The following PRKD1 variants were observed in gnomAD, a reference collection of about 807,000 sequenced individuals.
PRKD1 encodes protein kinase D1, also known as serine/threonine-protein kinase D1.
A neutral mutation model predicts 95.9 loss-of-function variants in PRKD1; 63 were observed. The ratio of observed to expected loss-of-function variants is 0.66; its 90% confidence interval spans 0.54 to 0.81. The LOEUF is 0.81. Ranked by LOEUF, PRKD1 falls within the 30% of genes least tolerant of loss-of-function variation. PRKD1 has a pLI of 0.00. For synonymous variants in PRKD1, 425 were observed against 423.1 expected, an observed-to-expected ratio of 1.00 and a Z score of -0.05; for missense variants, 1,048 against 1,165.3, an observed-to-expected ratio of 0.90 and a Z score of 1.47.
chr14:29,678,276 T>C (rs953121805), intron 2 of PRKD1, among the ~76,000 whole-genome samples: 4 of 152,158 alleles, frequency 2.6e-5, no homozygotes, highest in African/African-American at 4.8e-5. Flanking sequence ...GAGGAGTTAG[T>C]AGCAAATTCC....
At chr14:29,693,393 G>A (rs1052335423) in intron 2 of PRKD1, among the ~76,000 whole-genome samples, 2 of 151,798 alleles carry the variant, frequency 1.3e-5, no homozygotes, top group East Asian at 1.9e-4. Flanking sequence ...CCCTAGAGGC[G>A]TAAAAAATGT....
intron 6 of PRKD1, among the ~76,000 whole-genome samples, chr14:29,638,092 G>T (rs1445663419): frequency 4.6e-5 from 7 of 151,572 alleles, no homozygotes; most frequent in Non-Finnish European, 8.8e-5. Flanking sequence ...TTTTTTGGCT[G>T]ACAAAGTTCC....
chr14:29,618,329 T>C (rs1169306402), intron 13 of PRKD1, among the ~76,000 whole-genome samples: 1 of 151,586 alleles, frequency 6.6e-6, no homozygotes, highest in Non-Finnish European at 1.5e-5. Context: ...CTCTCCTCAC[T>C]GCAACCTCTG....
At chr14:29,688,991 A>AC in intron 2 of PRKD1, among the ~76,000 whole-genome samples, 3 of 150,882 alleles carry the variant, frequency 2.0e-5, no homozygotes, top group Admixed American at 6.6e-5. Flanking sequence ...AAAAAAGAAA[A>AC]CCCGAAAGTA....
intron 1 of PRKD1, among the ~76,000 whole-genome samples, chr14:29,839,092 C>CA (rs1891726161): frequency 1.3e-5 from 2 of 150,568 alleles, no homozygotes; most frequent in East Asian, 2.0e-4. Flanking sequence ...CATCAATAAA[C>CA]GAAAAAAAAA....
intron 6 of PRKD1, 57 bp downstream of exon 6, chr14:29,638,432 T>A (rs1301057956): frequency 1.3e-6 from 2 of 1,586,962 alleles, no homozygotes; most frequent in African/African-American, 2.7e-5. Flanking sequence ...TAAAATTACA[T>A]CACCACACTC....
chr14:29,836,091 G>A (rs1275390224), intron 1 of PRKD1, among the ~76,000 whole-genome samples: 2 of 152,170 alleles, frequency 1.3e-5, no homozygotes, highest in Non-Finnish European at 2.9e-5. Context: ...CACAGAGGAG[G>A]TGACATGAGA....
intron 13 of PRKD1, among the ~76,000 whole-genome samples, chr14:29,614,126 T>C (rs968268446): frequency 6.6e-6 from 1 of 152,200 alleles, no homozygotes; most frequent in Non-Finnish European, 1.5e-5. Flanking sequence ...ATGGATGTCA[T>C]ACATTCCAAA....
intron 16 of PRKD1, among the ~76,000 whole-genome samples, chr14:29,589,796 C>A (rs1846269445): frequency 6.6e-6 from 1 of 151,948 alleles, no homozygotes; most frequent in Admixed American, 6.6e-5. Flanking sequence ...AGATCTAAAT[C>A]AGTAAGACAT....
At chr14:29,795,623 T>C (rs952230149) in intron 1 of PRKD1, among the ~76,000 whole-genome samples, 1 of 152,150 alleles carries the variant, frequency 6.6e-6, no homozygotes, top group Non-Finnish European at 1.5e-5. Flanking sequence ...TCAGAGTTCT[T>C]TTCTACTGTA....
At chr14:29,660,363 G>A (rs889725889) in intron 4 of PRKD1, among the ~76,000 whole-genome samples, 3 of 152,060 alleles carry the variant, frequency 2.0e-5, no homozygotes, top group Non-Finnish European at 4.4e-5. Flanking sequence ...CAAGTCTCTG[G>A]TTTGTTCTAC....
At chr14:29,832,377 T>A (rs1009281709) in intron 1 of PRKD1, among the ~76,000 whole-genome samples, 4 of 152,248 alleles carry the variant, frequency 2.6e-5, no homozygotes, top group African/African-American at 9.6e-5. Flanking sequence ...TTATCATGCA[T>A]GCATTTCTCC....
intron 1 of PRKD1, among the ~76,000 whole-genome samples, chr14:29,748,344 T>C (rs1887325300): frequency 6.6e-6 from 1 of 152,218 alleles, no homozygotes; most frequent in South Asian, 2.1e-4. Context: ...TTTATCTGAT[T>C]GGTGAAAGTC....
chr14:29,818,002 A>G (rs1890761236), intron 1 of PRKD1, among the ~76,000 whole-genome samples: 2 of 152,226 alleles, frequency 1.3e-5, no homozygotes, highest in Admixed American at 1.3e-4. Context: ...AACAATGAAG[A>G]GAGAAAAACA....
At chr14:29,865,637 C>T (rs947889376) in intron 1 of PRKD1, among the ~76,000 whole-genome samples, 34 of 152,160 alleles carry the variant, frequency 2.2e-4, no homozygotes, top group African/African-American at 5.3e-4. Context: ...GTCAATGCCA[C>T]GCTCTTAGAT....
intron 12 of PRKD1, among the ~76,000 whole-genome samples, chr14:29,625,523 C>T (rs1196574444): frequency 6.6e-6 from 1 of 152,234 alleles, no homozygotes; most frequent in East Asian, 1.9e-4. Flanking sequence ...TGTATATTTA[C>T]CATGATCTAT....
chr14:29,620,431 C>T (rs1258216861), intron 13 of PRKD1, among the ~76,000 whole-genome samples: 5 of 149,032 alleles, frequency 3.4e-5, no homozygotes, highest in African/African-American at 1.2e-4. Context: ...ATTCATCTGA[C>T]AAAGGGCTAA....
chr14:29,900,071 C>G (rs561225873), intron 1 of PRKD1, among the ~76,000 whole-genome samples: 2 of 152,308 alleles, frequency 1.3e-5, no homozygotes, highest in African/African-American at 4.8e-5. Flanking sequence ...CGCAGCCATG[C>G]AGAACTGTGA....
intron 4 of PRKD1, among the ~76,000 whole-genome samples, chr14:29,658,449 T>A (rs45597042): frequency 0.02 from 2,990 of 152,222 alleles, 105 homozygotes; most frequent in African/African-American, 0.069. Flanking sequence ...AAAATTTGGA[T>A]GAACCAAGAA....
Sources: gnomAD v4.1 joint callset for allele counts (sites outside exome capture counted in the v4.1 genomes callset) on GRCh38, gnomAD v4.1.1 for gene constraint, MANE v1.5 for transcripts, NCBI Gene and HGNC (gene_info 2026-07-23, HGNC 2026-07-21) for gene names.